Variants in KCNMA1 observed in about 807,000 individuals in gnomAD.
KCNMA1 encodes potassium calcium-activated channel subfamily M alpha 1, also known as Calcium-activated potassium channel subunit alpha-1.
In KCNMA1, 29 loss-of-function variants were observed where a neutral mutation model predicts 140.0. That is an observed-to-expected ratio of 0.21 (90% CI 0.15 to 0.28). The LOEUF (loss-of-function observed/expected upper bound fraction) is 0.28. KCNMA1 is among the 10% of genes least tolerant of loss of function. The pLI, the probability that KCNMA1 is intolerant of heterozygous loss-of-function variation, is 1.00. For synonymous variants in KCNMA1, 612 were observed against 611.9 expected (o/e 1.00, Z 0.00); for missense variants, 880 against 1,602.2 (o/e 0.55, Z 7.70).
intron 19 of KCNMA1, among the ~76,000 whole-genome samples, chr10:76,997,274 A>G (rs2172305): frequency 0.98 from 149,195 of 152,370 alleles, 73,113 homozygotes; most frequent in African/African-American, 0.99. Flanking sequence ...ATTTATACCC[A>G]AAATAAAAGT....
chr10:77,142,232 G>A (rs547440734), intron 5 of KCNMA1, among the ~76,000 whole-genome samples: 10 of 151,962 alleles, frequency 6.6e-5, no homozygotes, highest in Non-Finnish European at 1.0e-4. Flanking sequence ...TTAGCCGGGC[G>A]TGGTGGCAGG....
chr10:76,877,665 T>G, downstream of KCNMA1: 3 of 1,406,682 alleles, frequency 2.1e-6, no homozygotes, highest in Non-Finnish European at 2.9e-6. Flanking sequence ...TGATTCAGCA[T>G]GTAAGAAGAA....
intron 1 of KCNMA1, among the ~76,000 whole-genome samples, chr10:77,443,829 A>ATTT (rs1162417622): frequency 6.6e-6 from 1 of 152,240 alleles, no homozygotes; most frequent in Non-Finnish European, 1.5e-5. Flanking sequence ...TTCTGCAGAA[A>ATTT]TAAGACCTAG....
chr10:77,581,806 G>A (rs1390869116), intron 1 of KCNMA1, among the ~76,000 whole-genome samples: 1 of 152,204 alleles, frequency 6.6e-6, no homozygotes, highest in Non-Finnish European at 1.5e-5. Context: ...AAGGACAGGG[G>A]CCAGCCCAGT....
chr10:77,599,184 G>A (rs146075327), intron 1 of KCNMA1, among the ~76,000 whole-genome samples: 7 of 152,342 alleles, frequency 4.6e-5, no homozygotes, highest in Non-Finnish European at 1.0e-4. Context: ...AATCAGCAGC[G>A]TGGATGCCTC....
At chr10:77,006,940 T>G (rs917507626) in intron 18 of KCNMA1, among the ~76,000 whole-genome samples, 8 of 151,160 alleles carry the variant, frequency 5.3e-5, no homozygotes, top group African/African-American at 1.7e-4. Context: ...AAGTGAGCAA[T>G]CTATACCCTC....
At chr10:77,027,983 C>A (rs2093618050) in intron 15 of KCNMA1, 92 bp from the exon 16 acceptor site, 2 of 1,127,406 alleles carry the variant, frequency 1.8e-6, no homozygotes, top group Admixed American at 1.7e-5. Context: ...TCTCCTAATG[C>A]AGTCATTACC....
At chr10:77,284,165 A>C (rs1399241973) in intron 2 of KCNMA1, among the ~76,000 whole-genome samples, 1 of 152,180 alleles carries the variant, frequency 6.6e-6, no homozygotes, top group East Asian at 1.9e-4. Context: ...AGAGAAAGTC[A>C]ATTCCTAATT....
At position 77,529,574 on chromosome 10, in the gene KCNMA1, G is replaced by A. The variant is rs759829930; in HGVS notation, c.378+107691C>T. ...AATTTACTCTTATACCCTTAGAGCCGAGCACAGAGAAATTATATAAATAAC... is the reference window on the plus strand; with the variant it reads ...AATTTACTCTTATACCCTTAGAGCCAAGCACAGAGAAATTATATAAATAAC... On this transcript the variant is annotated intron_variant, in intron 1 of 27. Transcript: ENST00000286628. Among the ~76,000 whole-genome samples, 10 of 152,020 alleles carry A rather than the reference G, an allele frequency of 6.6e-5. No individual in the cohort carries two copies. The South Asian group carries it at 8.3e-4, about 13-fold the overall frequency.
At chr10:77,581,590 C>T (rs1041974399) in intron 1 of KCNMA1, among the ~76,000 whole-genome samples, 1 of 152,256 alleles carries the variant, frequency 6.6e-6, no homozygotes, top group Admixed American at 6.5e-5. Context: ...CAGGCGTGAG[C>T]CACCACACCC....
intron 2 of KCNMA1, among the ~76,000 whole-genome samples, chr10:77,323,028 A>C (rs2082814097): frequency 6.6e-6 from 1 of 152,216 alleles, no homozygotes; most frequent in Non-Finnish European, 1.5e-5. Context: ...GACCAAACCA[A>C]GATCAGAATT....
chr10:77,375,830 G>A (rs2095061671), intron 2 of KCNMA1, among the ~76,000 whole-genome samples: 1 of 152,202 alleles, frequency 6.6e-6, no homozygotes, highest in African/African-American at 2.4e-5. Context: ...GCCCATCCCA[G>A]CACTCATTCC....
At chr10:77,335,215 G>C (rs1225678864) in intron 2 of KCNMA1, among the ~76,000 whole-genome samples, 1 of 152,102 alleles carries the variant, frequency 6.6e-6, no homozygotes, top group Non-Finnish European at 1.5e-5. Context: ...GGGGTAAATA[G>C]GTGTCCCAAG....
intron 5 of KCNMA1, among the ~76,000 whole-genome samples, chr10:77,165,518 C>G (rs940098785): frequency 2.6e-5 from 4 of 152,008 alleles, no homozygotes; most frequent in African/African-American, 9.7e-5. Context: ...GTCAAAAGAC[C>G]GAAGGAAAAT....
intron 20 of KCNMA1, among the ~76,000 whole-genome samples, chr10:76,964,495 C>G (rs2073071881): frequency 6.6e-6 from 1 of 152,118 alleles, no homozygotes; most frequent in Non-Finnish European, 1.5e-5. Flanking sequence ...CCACCCAAGC[C>G]TCAGTACCAT....
At chr10:76,883,338 G>A (rs1159659159), downstream of KCNMA1, among the ~76,000 whole-genome samples, 40 of 152,312 alleles carry the variant, frequency 2.6e-4, 1 homozygote, top group South Asian at 4.1e-4. Context: ...ATTGAGCACC[G>A]ATGGTAAGGT....
At chr10:77,633,144 G>T (rs1316221273) in intron 1 of KCNMA1, among the ~76,000 whole-genome samples, 1 of 152,116 alleles carries the variant, frequency 6.6e-6, no homozygotes, top group Admixed American at 6.5e-5. Flanking sequence ...GTGAAACCCC[G>T]TCTCTACTTA....
intron 25 of KCNMA1, among the ~76,000 whole-genome samples, chr10:76,896,432 T>A (rs2042539340): frequency 6.6e-6 from 1 of 152,154 alleles, no homozygotes. Flanking sequence ...CAAACACACA[T>A]GCTTTAGAAA....
chr10:77,057,472 T>C (rs1198468649), intron 14 of KCNMA1, among the ~76,000 whole-genome samples: 4 of 152,102 alleles, frequency 2.6e-5, no homozygotes, highest in Admixed American at 2.6e-4. Flanking sequence ...ACAACAACAT[T>C]AATAAATATT....
Sources: gnomAD v4.1 joint callset for allele counts (sites outside exome capture counted in the v4.1 genomes callset) on GRCh38, gnomAD v4.1.1 for gene constraint, MANE v1.5 for transcripts, NCBI Gene and HGNC (gene_info 2026-07-23, HGNC 2026-07-21) for gene names.